Variants in BAHCC1 observed in about 807,000 individuals in gnomAD.
The protein encoded by BAHCC1 is BAH domain and coiled-coil containing 1.
Under a neutral mutation model 88.2 loss-of-function variants are expected in BAHCC1, and 43 were observed. The observed-to-expected ratio is 0.49, with a 90% confidence interval of 0.38 to 0.63. BAHCC1 has a LOEUF of 0.63. Ranked by LOEUF, BAHCC1 falls within the 20% of genes least tolerant of loss-of-function variation. The probability of loss-of-function intolerance (pLI) is 0.00; values close to 1 mark genes in which losing one functional copy is unlikely to be tolerated. For missense variants in BAHCC1, 3,023 were observed against 1,654.8 expected, an observed-to-expected ratio of 1.83 and a Z score of -14.34; for synonymous variants, 1,510 against 745.5, an observed-to-expected ratio of 2.03 and a Z score of -16.71.
chr17:81,465,414 C>A lies in BAHCC1; in HGVS notation c.*1597C>A, dbSNP rs1165514154. On this transcript the variant is annotated 3_prime_UTR_variant, in exon 28 of 28. Transcript: ENST00000675386. ...CCCAGTATCCCCAGGGAATTCACAC[C>A]CCTCCCCTTCTCCCACAGCCAAGGA... The A allele has an allele frequency of 6.6e-6, 1 of 152,288 alleles. No homozygotes were observed. The highest frequency in any genetic ancestry group is 1.5e-5 in the Non-Finnish European group (1 of 68,092). 9.4% of individuals were successfully genotyped at this position (152,288 alleles called of 1,614,324 possible).
At chr17:81,436,792 T>C (rs1226354890) in intron 3 of BAHCC1, among the ~76,000 whole-genome samples, 1 of 152,178 alleles carries the variant, frequency 6.6e-6, no homozygotes, top group Admixed American at 6.5e-5. Context: ...CCTCCCCAGG[T>C]TCCCAGACTT....
chr17:81,445,318 C>A, intron 9 of BAHCC1, 36 bp from the exon 10 acceptor site: 1 of 750,920 alleles, frequency 1.3e-6, no homozygotes, highest in South Asian at 1.4e-5. Flanking sequence ...GTCAGGGGAT[C>A]CTGAGCCTGA....
At position 81,464,608 on chromosome 17, in the gene BAHCC1, G is replaced by C. The variant is rs1341087897; in HGVS notation, c.*791G>C. On this transcript the variant is annotated 3_prime_UTR_variant, in exon 28 of 28. Coordinates refer to ENST00000675386, the MANE Select transcript of BAHCC1 (RefSeq NM_001377448.1). ...TTCAAGAGGCAAAGCCCAGACCAGG[G>C]AGTGTGACAACAGCCGTGAGCATCT... 2.0e-5 allele frequency: 3 copies of C among 152,602 alleles called. No individual in the cohort carries two copies. The allele number at this position is 152,602 out of a possible 1,614,324, so 9.5% of individuals were successfully genotyped here. A position where few individuals can be genotyped will look rare whatever the true frequency, so the allele number is the denominator to read the frequency against.
chr17:81,441,579 G>A (rs544233466), intron 4 of BAHCC1, among the ~76,000 whole-genome samples: 13 of 150,832 alleles, frequency 8.6e-5, no homozygotes, highest in South Asian at 2.1e-4. Context: ...GGAGAATGGC[G>A]TGAACCCGGG....
chr17:81,413,531 A>G (rs1767557436), intron 2 of BAHCC1, among the ~76,000 whole-genome samples: 1 of 150,724 alleles, frequency 6.6e-6, no homozygotes, highest in African/African-American at 2.4e-5. Context: ...GACCGTCCCC[A>G]CCCCAGCCAG....
At chr17:81,460,781 G>T in intron 25 of BAHCC1, 75 bp downstream of exon 25, 2 of 773,432 alleles carry the variant, frequency 2.6e-6, no homozygotes, top group South Asian at 1.3e-5. Context: ...GGAGGCCCGT[G>T]GGGTAGGCAG....
At chr17:81,417,557 C>CA (rs71166139) in intron 2 of BAHCC1, among the ~76,000 whole-genome samples, 4 of 104,224 alleles carry the variant, frequency 3.8e-5, no homozygotes, top group Non-Finnish European at 8.2e-5. Flanking sequence ...CGTCGGCCAC[C>CA]CCCCCCCCGC....
At chr17:81,440,773 G>T (rs1255210996) in intron 4 of BAHCC1, among the ~76,000 whole-genome samples, 11 of 152,174 alleles carry the variant, frequency 7.2e-5, no homozygotes, top group African/African-American at 2.7e-4. Context: ...CACCAGGCAG[G>T]GTGAGCACAG....
intron 2 of BAHCC1, among the ~76,000 whole-genome samples, chr17:81,424,595 G>T (rs2064152348): frequency 6.6e-6 from 1 of 152,182 alleles, no homozygotes; most frequent in Non-Finnish European, 1.5e-5. Context: ...TGGTGGTGGT[G>T]GTGTGGTTGT....
chr17:81,412,069 C>G (rs1335932444), intron 2 of BAHCC1, among the ~76,000 whole-genome samples: 2 of 152,220 alleles, frequency 1.3e-5, no homozygotes, highest in Non-Finnish European at 2.9e-5. Context: ...GATGGCAGGT[C>G]CCCCGTCCCT....
At chr17:81,440,707 C>T (rs1555652364) in intron 4 of BAHCC1, among the ~76,000 whole-genome samples, 1 of 152,116 alleles carries the variant, frequency 6.6e-6, no homozygotes, top group Non-Finnish European at 1.5e-5. Flanking sequence ...AAGGGAGGGC[C>T]CAGACCGAGG....
chr17:81,452,132 C>T (rs374505812), intron 13 of BAHCC1, 25 bp downstream of exon 13: 1 of 558,682 alleles, frequency 1.8e-6, no homozygotes, highest in Non-Finnish European at 3.1e-6. Flanking sequence ...GCGGGGGGGC[C>T]TGGGAGGGTC....
Position 81,458,912 on chromosome 17 carries a change from G to A in BAHCC1, c.5548G>A (p.Glu1850Lys), listed in dbSNP as rs376108936. The A allele has an allele frequency of 9.1e-5, 70 of 770,024 alleles. No individual in the cohort carries two copies. Among genetic ancestry groups the A allele is most frequent in the South Asian group, 2.2e-4 (16 of 73,752 alleles). The allele number at this position is 770,024 out of a possible 1,614,324, so 47.7% of individuals were successfully genotyped here. Reference sequence around the variant, plus strand: ...CAGCTTCTCGGAAGAGGAGGAGGACGAGGAGGAAGAGGAGGAGGACAGCGG... The same window carrying A: ...CAGCTTCTCGGAAGAGGAGGAGGACAAGGAGGAAGAGGAGGAGGACAGCGG... ...NSSFSEEEEDEEEEEEDSGPL... is the reference protein window; with the variant it reads ...NSSFSEEEEDKEEEEEDSGPL... The change falls in exon 20 of 28, where the codon GAG becomes AAG. Residue 1850 changes from glutamate to lysine, a missense_variant. Glu to Lys is a moderately conservative substitution (Grantham distance 56). Transcript: ENST00000675386.
At chr17:81,404,682 C>T (rs1555646582) in intron 2 of BAHCC1, among the ~76,000 whole-genome samples, 1 of 152,224 alleles carries the variant, frequency 6.6e-6, no homozygotes, top group East Asian at 1.9e-4. Flanking sequence ...TACACTCCAG[C>T]AAGTTGATAG....
chr17:81,451,788 C>T lies in BAHCC1; in HGVS notation c.4097C>T (p.Ala1366Val). Residue 1366 changes from alanine to valine, a missense_variant, in exon 12 of 28, where the codon GCC becomes GTC. Physicochemically the swap from Ala to Val is moderately conservative, Grantham distance 64. Transcript: ENST00000675386. ...ACTGCCCCAGCGCAGCCGCCCACAG[C>T]CAACCCCTGCAGCGGCCCCAGGCTC... Reference protein sequence around the residue: ...SSTAPAQPPTANPCSGPRLTP... With the variant: ...SSTAPAQPPTVNPCSGPRLTP... 1 of 765,276 alleles carries T rather than the reference C, an allele frequency of 1.3e-6. No homozygotes were observed. The allele number at this position is 765,276 out of a possible 1,614,324, so 47.4% of individuals were successfully genotyped here.
chr17:81,403,747 C>G (rs548788746), intron 2 of BAHCC1, among the ~76,000 whole-genome samples: 1 of 152,206 alleles, frequency 6.6e-6, no homozygotes, highest in Non-Finnish European at 1.5e-5. Flanking sequence ...GTCACCCGTC[C>G]CGCTCCATAA....
At chr17:81,407,871 C>T (rs2143235468) in intron 2 of BAHCC1, among the ~76,000 whole-genome samples, 2 of 152,360 alleles carry the variant, frequency 1.3e-5, no homozygotes, top group East Asian at 3.9e-4. Context: ...CTGTTCACAA[C>T]TGGCCCACAA....
chr17:81,440,206 G>C (rs139515884), intron 4 of BAHCC1, among the ~76,000 whole-genome samples: 5 of 152,184 alleles, frequency 3.3e-5, no homozygotes, highest in Non-Finnish European at 7.3e-5. Context: ...CAGCCCCAGC[G>C]CGTGCAGTTA....
rs1408026375 is a variant in BAHCC1 at position 81,435,944 on chromosome 17, A to G, written c.359-2426A>G. On this transcript the variant is annotated intron_variant, in intron 3 of 27. Transcript: ENST00000675386. This position sits in a 1 kb window ranked among gnomAD's most constrained non-coding sequence, Gnocchi z 4.4. ...AAATCATTTTTAAATTTTCTTTCTC[A>G]GTTTTGAGAGTATGGTCTTATTGGG... Among the ~76,000 whole-genome samples, 1 of 151,650 alleles carries G rather than the reference A, an allele frequency of 6.6e-6. No homozygotes were observed. Among genetic ancestry groups the G allele is most frequent in the Non-Finnish European group, 1.5e-5 (1 of 67,810 alleles).
Sources: allele counts gnomAD v4.1 joint callset (sites outside exome capture counted in the v4.1 genomes callset), GRCh38; gene constraint gnomAD v4.1.1; non-coding constraint Gnocchi (gnomAD v3.1); transcripts MANE v1.5; gene names NCBI Gene and HGNC (gene_info 2026-07-23, HGNC 2026-07-21).